Variants in BBOF1 observed in about 807,000 individuals in gnomAD.
The protein encoded by BBOF1 is basal body orientation factor 1, also known as basal body-orientation factor 1.
BBOF1 carries 62 observed loss-of-function variants against 68.0 expected under a neutral mutation model. The ratio of observed to expected loss-of-function variants is 0.91; its 90% CI spans 0.74 to 1.13. The LOEUF (loss-of-function observed/expected upper bound fraction) is 1.13. Among genes scored for constraint, BBOF1 ranks in the 50% most tolerant of loss-of-function variants. The pLI, the probability that BBOF1 is intolerant of heterozygous loss-of-function variation, is 0.00. For synonymous variants in BBOF1, 208 were observed against 198.8 expected, an observed-to-expected ratio of 1.05 and a Z score of -0.39; for missense variants, 534 against 600.1, an observed-to-expected ratio of 0.89 and a Z score of 1.15.
intron 8 of BBOF1, among the ~76,000 whole-genome samples, chr14:74,052,679 T>C (rs1425965880): frequency 6.8e-6 from 1 of 147,428 alleles, no homozygotes; most frequent in Non-Finnish European, 1.5e-5. Flanking sequence ...ATTTAAATGG[T>C]AGATTGGAAA....
chr14:74,027,385 C>CTTTT lies in BBOF1; in HGVS notation c.286-1776_286-1773dup, dbSNP rs35107293. On this transcript the variant is annotated intron_variant, in intron 2 of 11. Coordinates refer to ENST00000394009, the MANE Select transcript of BBOF1 (RefSeq NM_025057.3). ...TACAGCCATGAGCCACCTCGCCCAG[C>CTTTT]TTTTTTTTTTTTTTTTTTTTTTTTT... Among the ~76,000 whole-genome samples, 443 of 61,098 alleles carry CTTTT rather than the reference C, an allele frequency of 7.3e-3. 54 individuals carry two copies. Among genetic ancestry groups the CTTTT allele is most frequent in the African/African-American group, 0.028 (391 of 13,958 alleles). 40.1% of individuals were successfully genotyped at this position (61,098 alleles called of 152,430 possible). A position where few individuals can be genotyped will look rare whatever the true frequency, so the allele number is the denominator to read the frequency against.
At chr14:74,072,013 T>C (rs190047510) in intron 9 of BBOF1, 2 of 1,601,948 alleles carry the variant, frequency 1.2e-6, no homozygotes, top group East Asian at 4.5e-5. Flanking sequence ...AATGCAAGAA[T>C]GTTCCTCTTT....
chr14:74,082,085 G>T (rs1317418023), intron 12 of BBOF1, among the ~76,000 whole-genome samples: 4 of 152,116 alleles, frequency 2.6e-5, no homozygotes, highest in Non-Finnish European at 5.9e-5. Flanking sequence ...ACGATCTGTT[G>T]TTGCAGCTAC....
chr14:74,077,268 G>A (rs1179170250), intron 9 of BBOF1, among the ~76,000 whole-genome samples: 3 of 152,094 alleles, frequency 2.0e-5, no homozygotes, highest in Non-Finnish European at 2.9e-5. Flanking sequence ...CCCAAACTAG[G>A]TTAAGAGGCC....
At chr14:74,058,290 G>A (rs142903000) in intron 11 of BBOF1, 2,072 of 152,224 alleles carry the variant, frequency 0.014, 41 homozygotes, top group African/African-American at 0.047. Context: ...TCGTGCCACT[G>A]CACTCCACCC....
Position 74,065,114 on chromosome 14 carries a change from A to AT in BBOF1, c.*418dup. 2 of 1,577,956 alleles carry AT rather than the reference A, an allele frequency of 1.3e-6. No homozygotes were observed. The highest frequency in any genetic ancestry group is 1.7e-6 in the Non-Finnish European group (2 of 1,148,974). ...AATCTTAAACCAATGACTCACCATTATTTACTGTTTCCTCTTAGGAAATAG... is the reference window on the plus strand; with the variant it reads ...AATCTTAAACCAATGACTCACCATTATTTTACTGTTTCCTCTTAGGAAATAG... On this transcript the variant is annotated 3_prime_UTR_variant, in exon 12 of 12. Coordinates refer to ENST00000394009, the MANE Select transcript of BBOF1 (RefSeq NM_025057.3).
intron 1 of BBOF1, 130 bp downstream of exon 1, chr14:74,019,664 A>G: frequency 7.0e-7 from 1 of 1,438,086 alleles, no homozygotes; most frequent in Non-Finnish European, 9.4e-7. Flanking sequence ...GCTTGTGAGG[A>G]TTACAGCTCC....
At chr14:74,020,243 AT>A (rs11287731) in intron 1 of BBOF1, among the ~76,000 whole-genome samples, 82,437 of 150,402 alleles carry the variant, frequency 0.55, 23,446 homozygotes, top group East Asian at 0.89. Flanking sequence ...CTTTTATGGT[AT>A]TTTTTTTTTG....
chr14:74,048,959 A>T (rs549176562), intron 7 of BBOF1, among the ~76,000 whole-genome samples: 2 of 152,080 alleles, frequency 1.3e-5, no homozygotes, highest in Admixed American at 1.3e-4. Flanking sequence ...TGCAACCTTT[A>T]CCTCCTGGGT....
intron 2 of BBOF1, among the ~76,000 whole-genome samples, chr14:74,024,574 C>T (rs545892033): frequency 6.6e-6 from 1 of 152,234 alleles, no homozygotes; most frequent in East Asian, 1.9e-4. Context: ...AGATGATCCT[C>T]CTGCCTCAGT....
intron 11 of BBOF1, chr14:74,057,764 A>C (rs1355972827): frequency 8.9e-7 from 1 of 1,122,850 alleles, no homozygotes; most frequent in Non-Finnish European, 1.1e-6. Context: ...CAAAAAGAAA[A>C]TACTGACTTT....
At chr14:74,064,532 A>G (rs1359965353) in intron 11 of BBOF1, among the ~76,000 whole-genome samples, 156 bp from the exon 12 acceptor site, 1 of 152,076 alleles carries the variant, frequency 6.6e-6, no homozygotes, top group Non-Finnish European at 1.5e-5. Context: ...TAGTCAGATG[A>G]AAGGGGAGAG....
chr14:74,054,123 G>A lies in BBOF1; in HGVS notation c.1287-1461G>A, dbSNP rs2060129877. ...GATCTCCTGACCTCGTGATCCGCCC[G>A]CCTCGTCCTCCCAAAGTGCTAGTAT... is the stretch of plus-strand genomic sequence containing the variant. On this transcript the variant is annotated intron_variant, in intron 8 of 11. Coordinates refer to ENST00000394009, the MANE Select transcript of BBOF1 (RefSeq NM_025057.3). Among the ~76,000 whole-genome samples the A allele has an allele frequency of 3.3e-5, 5 of 151,672 alleles. 1 individual carries two copies. The South Asian group carries it at 8.3e-4, about 25-fold the overall frequency.
At chr14:74,021,028 G>C (rs1328738065) in intron 1 of BBOF1, among the ~76,000 whole-genome samples, 1 of 152,182 alleles carries the variant, frequency 6.6e-6, no homozygotes, top group Non-Finnish European at 1.5e-5. Context: ...CTGAGAACCA[G>C]AGGTAGGAAA....
At chr14:74,061,939 G>A (rs549331552) in intron 11 of BBOF1, among the ~76,000 whole-genome samples, 5 of 151,874 alleles carry the variant, frequency 3.3e-5, no homozygotes, top group Admixed American at 3.3e-4. Context: ...GCCAGGAGCG[G>A]TGGCTCACAC....
At chr14:74,049,557 G>T (rs1317402489) in intron 7 of BBOF1, 145 bp from the exon 8 acceptor site, 1 of 683,598 alleles carries the variant, frequency 1.5e-6, no homozygotes, top group African/African-American at 1.8e-5. Flanking sequence ...AGCTACTCAG[G>T]AGCCTGAGGT....
downstream of BBOF1, among the ~76,000 whole-genome samples, chr14:74,066,410 T>C (rs2060465990): frequency 6.6e-6 from 1 of 152,192 alleles, no homozygotes; most frequent in Non-Finnish European, 1.5e-5. Context: ...ACAATGTTTA[T>C]AGCTGATCTC....
downstream of BBOF1, chr14:74,068,733 C>G: frequency 2.6e-6 from 3 of 1,150,066 alleles, no homozygotes; most frequent in Non-Finnish European, 2.5e-6. Context: ...CAGAGAGACT[C>G]TGTCTCAAAA....
At chr14:74,071,621 T>C in intron 9 of BBOF1, 1 of 1,576,794 alleles carries the variant, frequency 6.3e-7, no homozygotes, top group Non-Finnish European at 8.6e-7. Flanking sequence ...GTACACTGAC[T>C]TGCCCTTCCA....
Sources: allele counts gnomAD v4.1 joint callset (sites outside exome capture counted in the v4.1 genomes callset), GRCh38; gene constraint gnomAD v4.1.1; transcripts MANE v1.5; gene names NCBI Gene and HGNC (gene_info 2026-07-23, HGNC 2026-07-21).